RBFOX1: variants seen among roughly 807,000 people sequenced by gnomAD.
RBFOX1 encodes the protein RNA binding protein fox-1 homolog 1.
RBFOX1 carries 8 observed loss-of-function variants against 57.7 expected under a neutral mutation model. That is an observed-to-expected ratio of 0.14 (90% CI 0.08 to 0.25). RBFOX1 has a LOEUF of 0.25. RBFOX1 is among the 10% of genes least tolerant of loss of function. The probability of loss-of-function intolerance (pLI) is 1.00; values close to 1 mark genes in which losing one functional copy is unlikely to be tolerated. For synonymous variants in RBFOX1, 326 were observed against 222.4 expected, an observed-to-expected ratio of 1.47 and a Z score of -4.15; for missense variants, 611 against 548.5, an observed-to-expected ratio of 1.11 and a Z score of -1.14.
At chr16:7,454,254 G>A (rs1320509480) in intron 4 of RBFOX1, among the ~76,000 whole-genome samples, 1 of 152,108 alleles carries the variant, frequency 6.6e-6, no homozygotes, top group Non-Finnish European at 1.5e-5. Flanking sequence ...CCCAAAAAAA[G>A]TCATAGCCAA....
rs531666903 is a variant in RBFOX1, at chr16:5,325,194, C to G, written c.219+85089C>G. ...TGTGCTTGGCCCTTCTTCTCTTCCT[C>G]TTTTCTCTCTTCCCCTTCCCTCTTC... On this transcript the variant is annotated intron_variant, in intron 1 of 2. Coordinates refer to the RBFOX1 transcript ENST00000585867. Among the ~76,000 whole-genome samples the G allele has an allele frequency of 2.0e-5, 3 of 152,270 alleles. No homozygotes were observed. In the South Asian group the frequency reaches 6.2e-4, roughly 32 times the overall value.
At chr16:5,317,051 C>T (rs183901740) in intron 1 of RBFOX1, among the ~76,000 whole-genome samples, 14 of 152,248 alleles carry the variant, frequency 9.2e-5, no homozygotes, top group Admixed American at 2.0e-4. Flanking sequence ...GGACTTGCAC[C>T]GATAGCCTCC....
chr16:7,049,459 C>T (rs746712515), intron 3 of RBFOX1, among the ~76,000 whole-genome samples: 1 of 147,154 alleles, frequency 6.8e-6, no homozygotes, highest in Non-Finnish European at 1.5e-5. Context: ...AAAGAAAGAA[C>T]AGTAATAAAA....
At chr16:7,610,876 C>T (rs373434907) in intron 10 of RBFOX1, among the ~76,000 whole-genome samples, 26 of 152,286 alleles carry the variant, frequency 1.7e-4, no homozygotes, top group African/African-American at 5.8e-4. Flanking sequence ...AGATCCATGA[C>T]TAAGAATTTA....
intron 3 of RBFOX1, among the ~76,000 whole-genome samples, chr16:6,772,285 A>T (rs916359163): frequency 6.6e-6 from 1 of 152,186 alleles, no homozygotes. Context: ...ATGGATATAC[A>T]GTGCCTGACC....
At chr16:6,664,457 C>T (rs1400595248) in intron 3 of RBFOX1, among the ~76,000 whole-genome samples, 1 of 152,208 alleles carries the variant, frequency 6.6e-6, no homozygotes, top group Admixed American at 6.5e-5. Flanking sequence ...ATCTACAGAT[C>T]TGCCTCAGCT....
rs577968396 is a variant in RBFOX1, at chr16:6,319,496, A to G, written c.-64+2439A>G. Among the ~76,000 whole-genome samples, 20 of 152,320 alleles carry G rather than the reference A, an allele frequency of 1.3e-4. No homozygotes were observed. The South Asian group carries it at 4.1e-3, about 32-fold the overall frequency. On this transcript the variant is annotated intron_variant, in intron 2 of 15. Coordinates refer to ENST00000550418, the MANE Select transcript of RBFOX1 (RefSeq NM_018723.4). Reference sequence around the variant, plus strand: ...CTGAATAGGTAGATGAATGCTTCTTAACTCCTGATGGAGTATTGTGTAAAT... The same window carrying G: ...CTGAATAGGTAGATGAATGCTTCTTGACTCCTGATGGAGTATTGTGTAAAT...
In RBFOX1 at chr16:6,868,042, T is replaced by C. The variant is rs75415676; in HGVS notation, c.-15-184015T>C. ...CTTCAGTTAACTTATTTGCGAAATA[T>C]AGGTATTATAGTAATGTTTTTGCCG... On this transcript the variant is annotated intron_variant, in intron 3 of 15. Coordinates refer to ENST00000550418, the MANE Select transcript of RBFOX1 (RefSeq NM_018723.4). Among the ~76,000 whole-genome samples the C allele has an allele frequency of 1.4e-4, 21 of 152,322 alleles. No individual in the cohort carries two copies. In the East Asian group the frequency reaches 3.9e-3, roughly 28 times the overall value.
At chr16:7,325,414 C>CTT (rs1320457199) in intron 4 of RBFOX1, among the ~76,000 whole-genome samples, 1 of 152,164 alleles carries the variant, frequency 6.6e-6, no homozygotes, top group Admixed American at 6.5e-5. Flanking sequence ...TACTATGGTG[C>CTT]TTGCAACAAG....
intron 2 of RBFOX1, among the ~76,000 whole-genome samples, chr16:6,563,647 C>G (rs113113124): frequency 9.2e-5 from 14 of 151,938 alleles, no homozygotes; most frequent in Non-Finnish European, 1.8e-4. Context: ...GGTTCACGAC[C>G]GTTATCAGCA....
intron 2 of RBFOX1, among the ~76,000 whole-genome samples, chr16:5,547,806 A>G (rs187434909): frequency 1.3e-5 from 2 of 152,236 alleles, no homozygotes; most frequent in African/African-American, 4.8e-5. Context: ...CAGAAAACCA[A>G]ATACTACATG....
At position 5,946,463 on chromosome 16, in the gene RBFOX1, C is replaced by G. The variant is rs1327575897; in HGVS notation, c.351+79128C>G. Among the ~76,000 whole-genome samples, 2 of 152,216 alleles carry G rather than the reference C, an allele frequency of 1.3e-5. No homozygotes were observed. Among genetic ancestry groups the G allele is most frequent in the African/African-American group, 4.8e-5 (2 of 41,462 alleles). On this transcript the variant is annotated intron_variant, in intron 4 of 19. Transcript: ENST00000641259. The surrounding 1 kb of genome is among the most constrained non-coding windows in gnomAD (Gnocchi z 4.6). ...GCCATGAACAGCTCAGCCAAGATCTCTGCTCTCATGGAATGGGAGTGCCTC... is the reference window on the plus strand; with the variant it reads ...GCCATGAACAGCTCAGCCAAGATCTGTGCTCTCATGGAATGGGAGTGCCTC...
chr16:6,923,631 A>C (rs1360729296), intron 3 of RBFOX1, among the ~76,000 whole-genome samples: 1 of 152,184 alleles, frequency 6.6e-6, no homozygotes, highest in East Asian at 1.9e-4. Flanking sequence ...GTGAATCAGC[A>C]GGGGAGCATG....
At chr16:6,541,693 T>G (rs949688244) in intron 2 of RBFOX1, among the ~76,000 whole-genome samples, 1 of 152,152 alleles carries the variant, frequency 6.6e-6, no homozygotes, top group Non-Finnish European at 1.5e-5. Flanking sequence ...TCTGGGCAAA[T>G]GCTGTAGGTC....
chr16:6,034,622 G>A (rs1357124830), intron 1 of RBFOX1, among the ~76,000 whole-genome samples: 3 of 152,132 alleles, frequency 2.0e-5, no homozygotes, highest in Non-Finnish European at 4.4e-5. Flanking sequence ...CCTTAATAGT[G>A]TTGCATTGGA....
chr16:5,418,020 G>A (rs2067206290), intron 1 of RBFOX1, among the ~76,000 whole-genome samples: 1 of 152,146 alleles, frequency 6.6e-6, no homozygotes, highest in African/African-American at 2.4e-5. Context: ...GGCAGAGGTT[G>A]CACTGAGCTG....
chr16:6,894,940 T>C (rs2066396537), intron 3 of RBFOX1, among the ~76,000 whole-genome samples: 1 of 152,162 alleles, frequency 6.6e-6, no homozygotes, highest in Non-Finnish European at 1.5e-5. Flanking sequence ...TCCAAATGTT[T>C]TCTATCTAGA....
chr16:7,449,368 G>T (rs955734668), intron 4 of RBFOX1, among the ~76,000 whole-genome samples: 3 of 152,190 alleles, frequency 2.0e-5, no homozygotes, highest in Non-Finnish European at 4.4e-5. Context: ...AAAGTAGTCA[G>T]TGGGGGAGAA....
At chr16:5,339,027 C>T (rs747096516) in intron 1 of RBFOX1, among the ~76,000 whole-genome samples, 1 of 151,602 alleles carries the variant, frequency 6.6e-6, no homozygotes, top group African/African-American at 2.4e-5. Context: ...GTGGCAAGAA[C>T]ACAAAATCTC....
Sources: gnomAD v4.1 joint callset for allele counts (sites outside exome capture counted in the v4.1 genomes callset) on GRCh38, gnomAD v4.1.1 for gene constraint, Gnocchi (gnomAD v3.1) non-coding constraint, MANE v1.5 for transcripts, NCBI Gene and HGNC (gene_info 2026-07-23, HGNC 2026-07-21) for gene names.